The following COQ5 variants were observed in gnomAD, a reference collection of about 807,000 sequenced individuals.
COQ5 encodes the protein coenzyme Q5, methyltransferase, also known as 2-methoxy-6-polyprenyl-1,4-benzoquinol methylase, mitochondrial.
COQ5 carries 27 observed loss-of-function variants against 40.5 expected under a neutral mutation model. The ratio of observed to expected loss-of-function variants is 0.67; its 90% CI spans 0.49 to 0.92. The LOEUF is 0.92. Ranked by LOEUF, COQ5 falls within the 40% of genes least tolerant of loss-of-function variation. The pLI, the probability that COQ5 is intolerant of heterozygous loss-of-function variation, is 0.00. For synonymous variants in COQ5, 141 were observed against 150.0 expected (o/e 0.94, Z 0.44); for missense variants, 409 against 406.4 (o/e 1.01, Z -0.06).
rs900606884 is a variant in COQ5 at position 120,522,455 on chromosome 12, A to G, written c.203-92T>C. 5 of 1,279,602 alleles carry G rather than the reference A, an allele frequency of 3.9e-6. No individual in the cohort carries two copies. In the African/African-American group the frequency reaches 5.8e-5, roughly 15 times the overall value. The allele number at this position is 1,279,602 out of a possible 1,614,324, so 79.3% of individuals were successfully genotyped here. On this transcript the variant is annotated intron_variant, in intron 1 of 6. Coordinates refer to ENST00000288532, the MANE Select transcript of COQ5 (RefSeq NM_032314.4). ...AAAGGAGGAAGCTTTTTTCCCCTGA[A>G]ATGACCTGGCTTTGCAAGGTGAAAC... is the stretch of plus-strand genomic sequence containing the variant.
chr12:120,528,894 C>A, intron 1 of COQ5, 46 bp downstream of exon 1: 1 of 1,554,544 alleles, frequency 6.4e-7, no homozygotes, highest in South Asian at 1.1e-5. Context: ...AGAAACCAGA[C>A]CATGGACGGT....
chr12:120,513,916 T>C (rs923310362), intron 3 of COQ5, among the ~76,000 whole-genome samples: 21 of 152,130 alleles, frequency 1.4e-4, no homozygotes, highest in African/African-American at 4.8e-4. Flanking sequence ...TTATTGGAGA[T>C]TGATAAAACA....
intron 1 of COQ5, among the ~76,000 whole-genome samples, chr12:120,524,958 C>T (rs537795755): frequency 5.7e-4 from 86 of 151,918 alleles, no homozygotes; most frequent in Middle Eastern, 3.4e-3. Context: ...ACTACAGGCA[C>T]GTGCCACCAT....
In COQ5 at chr12:120,522,360, T is replaced by C. The variant is rs1565933436; in HGVS notation, c.206A>G (p.Tyr69Cys). 6.2e-7 allele frequency: 1 copy of C among 1,613,288 alleles called. No individual in the cohort carries two copies. The highest frequency in any genetic ancestry group is 8.5e-7 in the Non-Finnish European group (1 of 1,179,254). The change falls in exon 2 of 7, where the codon TAT (tyrosine) becomes TGT (cysteine). Residue 69 changes from tyrosine to cysteine, a missense_variant. By Grantham distance (194) the Tyr-to-Cys change is radical. Coordinates refer to ENST00000288532, the MANE Select transcript of COQ5 (RefSeq NM_032314.4). ...CTTAGCCACACTTTCAAACACCTGA[T>C]AGACTGACATGGGAGAAACACACAC... The part of the protein sequence containing the change: ...VSEEEKGGKV[Y>C]QVFESVAKKY...
In COQ5 at chr12:120,522,345, C is replaced by G. The variant is rs1251719329; in HGVS notation, c.221G>C (p.Ser74Thr). The G allele has an allele frequency of 1.2e-6, 2 of 1,613,792 alleles. No individual in the cohort carries two copies. The highest frequency in any genetic ancestry group is 1.7e-6 in the Non-Finnish European group (2 of 1,179,686). Residue 74 changes from serine (S) to threonine (T), a missense_variant, in exon 2 of 7, where the codon AGT becomes ACT. Transcript: ENST00000288532. ...KGGKVYQVFE[S>T]VAKKYDVMND... ...CATCACATCATACTTCTTAGCCACA[C>G]TTTCAAACACCTGATAGACTGACAT...
At chr12:120,527,495 C>T (rs1870005116) in intron 1 of COQ5, 1 of 151,966 alleles carries the variant, frequency 6.6e-6, no homozygotes, top group South Asian at 2.1e-4. Context: ...TAATTTTTCC[C>T]ATTGATTAAG....
At chr12:120,513,687 T>C (rs1173561875) in intron 3 of COQ5, among the ~76,000 whole-genome samples, 1 of 151,588 alleles carries the variant, frequency 6.6e-6, no homozygotes, top group Non-Finnish European at 1.5e-5. Context: ...GCCTGGCTAA[T>C]TTTTGTATTT....
At chr12:120,519,012 T>G (rs769459719) in intron 2 of COQ5, among the ~76,000 whole-genome samples, 20 of 152,206 alleles carry the variant, frequency 1.3e-4, no homozygotes, top group Non-Finnish European at 2.2e-4. Context: ...ATTGTATACA[T>G]TGTTATACCA....
intron 1 of COQ5, chr12:120,523,366 G>C (rs1593024820): frequency 8.5e-6 from 3 of 353,656 alleles, no homozygotes; most frequent in African/African-American, 6.6e-5. Flanking sequence ...TCATATCTTT[G>C]TGATCGGGGT....
chr12:120,525,279 T>C (rs1869885588), intron 1 of COQ5, among the ~76,000 whole-genome samples: 1 of 152,080 alleles, frequency 6.6e-6, no homozygotes, highest in Non-Finnish European at 1.5e-5. Context: ...TTTGTATTTT[T>C]AGTAGAGATG....
In COQ5 at chr12:120,522,149, A is replaced by C. The variant is rs200943909; in HGVS notation, c.352+65T>G. On this transcript the variant is annotated intron_variant, in intron 2 of 6. Transcript: ENST00000288532. ...CTCGTGTTAGGTGAGCTAGCTCATTACAAGAGAGACTAATTTCTGTAAAAC... is the reference window on the plus strand; with the variant it reads ...CTCGTGTTAGGTGAGCTAGCTCATTCCAAGAGAGACTAATTTCTGTAAAAC... 213 of 1,569,084 alleles carry C rather than the reference A, an allele frequency of 1.4e-4. 1 individual carries two copies. The highest frequency in any genetic ancestry group is 3.7e-4 in the Admixed American group (22 of 59,686).
Position 120,510,915 on chromosome 12 carries a change from A to G in COQ5, c.575-792T>C, listed in dbSNP as rs924180962. Among the ~76,000 whole-genome samples the G allele has an allele frequency of 5.1e-4, 78 of 152,136 alleles. 1 individual carries two copies. Among genetic ancestry groups the G allele is most frequent in the Admixed American group, 4.9e-3 (75 of 15,250 alleles). On this transcript the variant is annotated intron_variant, in intron 3 of 6. Transcript: ENST00000288532. ...ATACAAAAAGAAGACTGTATAGAGG[A>G]AGGTAAATGAAAATAACCTTTCTGG...
At chr12:120,510,917 G>A (rs1387749807) in intron 3 of COQ5, among the ~76,000 whole-genome samples, 1 of 152,038 alleles carries the variant, frequency 6.6e-6, no homozygotes, top group African/African-American at 2.4e-5. Flanking sequence ...TATAGAGGAA[G>A]GTAAATGAAA....
At chr12:120,506,505 T>G (rs1868887043) in intron 4 of COQ5, among the ~76,000 whole-genome samples, 1 of 152,046 alleles carries the variant, frequency 6.6e-6, no homozygotes, top group Non-Finnish European at 1.5e-5. Context: ...TTGCTGGGAC[T>G]ACAGGTACAT....
chr12:120,522,987 C>T (rs907064332), intron 1 of COQ5: 27 of 555,118 alleles, frequency 4.9e-5, no homozygotes, highest in Middle Eastern at 3.0e-4. Context: ...CTTGGCAAAG[C>T]GCATGTTCCT....
Position 120,503,732 on chromosome 12 carries a change from T to C in COQ5, c.*52A>G. On this transcript the variant is annotated 3_prime_UTR_variant, in exon 7 of 7. Transcript: ENST00000288532. The stretch of plus-strand genomic sequence containing the variant: ...CTCATTTGCCAGATTATCCTTCAGT[T>C]CCAGGCTTTCAACAGGATATGACTG... The C allele has an allele frequency of 7.4e-7, 1 of 1,358,780 alleles. No individual in the cohort carries two copies. The highest frequency in any genetic ancestry group is 1.2e-5 in the South Asian group (1 of 85,236). 84.2% of individuals were successfully genotyped at this position (1,358,780 alleles called of 1,614,324 possible). A position where few individuals can be genotyped will look rare whatever the true frequency, so the allele number is the denominator to read the frequency against.
Position 120,514,745 on chromosome 12 carries a change from A to AAACAACAACAACAAC in COQ5, c.574+1807_574+1821dup, listed in dbSNP as rs375392327. On this transcript the variant is annotated intron_variant, in intron 3 of 6. Coordinates refer to ENST00000288532, the MANE Select transcript of COQ5 (RefSeq NM_032314.4). Reference sequence around the variant, plus strand: ...GCAACAGGGCAAGACTCTGTCTCAGAAACAACAACAACAACAACAACAACA... The same window carrying AAACAACAACAACAAC: ...GCAACAGGGCAAGACTCTGTCTCAGAAACAACAACAACAACAACAACAACAACAACAACAACAACA... Among the ~76,000 whole-genome samples, 117 of 147,926 alleles carry AAACAACAACAACAAC rather than the reference A, an allele frequency of 7.9e-4. 2 individuals are homozygous for AAACAACAACAACAAC. Among genetic ancestry groups the AAACAACAACAACAAC allele is most frequent in the Middle Eastern group, 6.9e-3 (2 of 290 alleles).
intron 2 of COQ5, among the ~76,000 whole-genome samples, chr12:120,517,413 G>A (rs1869427826): frequency 6.6e-6 from 1 of 151,318 alleles, no homozygotes; most frequent in South Asian, 2.1e-4. Flanking sequence ...GCTCATGCCT[G>A]TAATCCCAGC....
At chr12:120,528,884 AG>A in intron 1 of COQ5, 55 bp downstream of exon 1, 1 of 1,510,050 alleles carries the variant, frequency 6.6e-7, no homozygotes, top group Non-Finnish European at 9.2e-7. Flanking sequence ...ACTGGCCAGA[AG>A]AAACCAGACC....
Sources: allele counts gnomAD v4.1 joint callset (sites outside exome capture counted in the v4.1 genomes callset), GRCh38; gene constraint gnomAD v4.1.1; transcripts MANE v1.5; gene names NCBI Gene and HGNC (gene_info 2026-07-23, HGNC 2026-07-21).